The following PDE10A variants were observed in gnomAD, a reference collection of about 807,000 sequenced individuals.
The protein encoded by PDE10A is cAMP and cAMP-inhibited cGMP 3',5'-cyclic phosphodiesterase 10A.
In PDE10A, 39 loss-of-function variants were observed where a neutral mutation model predicts 97.7. The ratio of observed to expected loss-of-function variants is 0.40; its 90% CI spans 0.31 to 0.52. PDE10A has a LOEUF of 0.52. Ranked by LOEUF, PDE10A falls within the 20% of genes least tolerant of loss-of-function variation. The probability of loss-of-function intolerance (pLI) is 0.56; values close to 1 mark genes in which losing one functional copy is unlikely to be tolerated. For synonymous variants in PDE10A, 371 were observed against 376.8 expected, an observed-to-expected ratio of 0.98 and a Z score of 0.18; for missense variants, 731 against 1,047.8, an observed-to-expected ratio of 0.70 and a Z score of 4.17.
rs150238192 is a variant in PDE10A, at chr6:165,963,991, T to C, written c.-615+23538A>G. Among the ~76,000 whole-genome samples the C allele has an allele frequency of 5.8e-4, 89 of 152,356 alleles. 1 individual carries two copies. The highest frequency in any genetic ancestry group is 2.0e-3 in the African/African-American group (84 of 41,584). On this transcript the variant is annotated intron_variant, in intron 1 of 19. Transcript: ENST00000366882. The stretch of plus-strand genomic sequence containing the variant: ...GCGGCAACATCAAAGCTCTTTGCTT[T>C]CCTGGCAGGTGATACCCATGCAATC...
chr6:165,838,278 A>T (rs1225043645), intron 1 of PDE10A, among the ~76,000 whole-genome samples: 1 of 152,212 alleles, frequency 6.6e-6, no homozygotes, highest in Admixed American at 6.5e-5. Context: ...TTTTGGCCAA[A>T]ACAAAGTGAA....
chr6:165,594,438 G>A (rs1353952085), intron 1 of PDE10A, among the ~76,000 whole-genome samples: 1 of 152,174 alleles, frequency 6.6e-6, no homozygotes, highest in South Asian at 2.1e-4. Flanking sequence ...AATAGAAATG[G>A]TAATATATTA....
At chr6:165,693,283 C>A (rs996767031) in intron 1 of PDE10A, among the ~76,000 whole-genome samples, 1 of 152,082 alleles carries the variant, frequency 6.6e-6, no homozygotes, top group African/African-American at 2.4e-5. Flanking sequence ...GTAATCCCAG[C>A]ACTTTGGGAG....
intron 10 of PDE10A, among the ~76,000 whole-genome samples, chr6:165,420,167 C>T (rs1788594802): frequency 6.6e-6 from 1 of 152,126 alleles, no homozygotes; most frequent in Non-Finnish European, 1.5e-5. Flanking sequence ...TTAGGGCCAG[C>T]GAAATTTTGT....
chr6:165,883,548 A>AT (rs5881668), intron 1 of PDE10A, among the ~76,000 whole-genome samples: 6,268 of 74,254 alleles, frequency 0.084, 215 homozygotes, highest in Middle Eastern at 0.16. Context: ...TCAAAAAAAA[A>AT]AAAAATAAAT....
chr6:165,398,834 C>T (rs974212259), intron 13 of PDE10A, among the ~76,000 whole-genome samples: 15 of 151,990 alleles, frequency 9.9e-5, no homozygotes, highest in African/African-American at 2.2e-4. Flanking sequence ...TAGATTTACA[C>T]CTAAACGTAA....
chr6:165,981,870 C>T (rs928191160), intron 1 of PDE10A, among the ~76,000 whole-genome samples: 12 of 152,100 alleles, frequency 7.9e-5, no homozygotes, highest in African/African-American at 1.4e-4. Flanking sequence ...TAGAGATAGG[C>T]GATCTGAGCA....
intron 10 of PDE10A, among the ~76,000 whole-genome samples, chr6:165,425,332 A>C (rs554237495): frequency 6.6e-6 from 1 of 152,284 alleles, no homozygotes; most frequent in East Asian, 1.9e-4. Context: ...TCCAATATAA[A>C]TTACACACCA....
intron 1 of PDE10A, among the ~76,000 whole-genome samples, chr6:165,944,614 A>T (rs182953482): frequency 1.3e-5 from 2 of 152,260 alleles, no homozygotes; most frequent in African/African-American, 4.8e-5. Context: ...AAGTTTTTGA[A>T]TGTTGTGTCC....
intron 1 of PDE10A, among the ~76,000 whole-genome samples, chr6:165,629,976 T>C (rs1345129855): frequency 1.3e-5 from 2 of 152,188 alleles, no homozygotes; most frequent in African/African-American, 4.8e-5. Flanking sequence ...CATATTAAAT[T>C]ATTTTTACTG....
Position 165,618,144 on chromosome 6 carries a change from T to C in PDE10A, c.865+43803A>G, listed in dbSNP as rs1181028921. Among the ~76,000 whole-genome samples, 5 of 152,236 alleles carry C rather than the reference T, an allele frequency of 3.3e-5. No homozygotes were observed. In the East Asian group the frequency reaches 9.6e-4, roughly 29 times the overall value. On this transcript the variant is annotated intron_variant, in intron 1 of 21. Transcript: ENST00000539869. ...AATCTATATGTATTCAATATATGTA[T>C]ACATTTTATGTGTGTTGTTTAAATG...
chr6:165,397,702 C>CAAAAAAAAAAA (rs71026686), intron 13 of PDE10A, among the ~76,000 whole-genome samples: 2 of 88,370 alleles, frequency 2.3e-5, no homozygotes, highest in African/African-American at 4.6e-5. Flanking sequence ...AACTCCATCT[C>CAAAAAAAAAAA]AAAAAAAAAA....
chr6:165,573,828 C>A (rs1055021286), intron 1 of PDE10A, among the ~76,000 whole-genome samples: 2 of 152,138 alleles, frequency 1.3e-5, no homozygotes, highest in Admixed American at 1.3e-4. Context: ...TGCTCTGGCA[C>A]AAAATTTGGG....
At chr6:165,686,130 G>GACAC (rs57547290) in intron 1 of PDE10A, among the ~76,000 whole-genome samples, 3,811 of 145,336 alleles carry the variant, frequency 0.026, 140 homozygotes, top group African/African-American at 0.076. Context: ...AATGTGCATG[G>GACAC]ACACACACAC....
intron 1 of PDE10A, among the ~76,000 whole-genome samples, chr6:165,955,102 G>C (rs561632720): frequency 6.6e-6 from 1 of 152,116 alleles, no homozygotes; most frequent in African/African-American, 2.4e-5. Flanking sequence ...TGCCATCACG[G>C]CCTCTATGCC....
At chr6:165,668,607 A>C (rs1196626686) in intron 1 of PDE10A, among the ~76,000 whole-genome samples, 2 of 152,164 alleles carry the variant, frequency 1.3e-5, no homozygotes, top group Admixed American at 1.3e-4. Context: ...AGTAAGGATT[A>C]AAATGGCTCA....
Position 165,332,935 on chromosome 6 carries a change from T to TGCC in PDE10A, c.*89_*90insGGC. The TGCC allele has an allele frequency of 5.1e-6, 3 of 593,426 alleles. No homozygotes were observed. Among genetic ancestry groups the TGCC allele is most frequent in the South Asian group, 1.5e-5 (1 of 65,528 alleles). 36.8% of individuals were successfully genotyped at this position (593,426 alleles called of 1,614,324 possible). ...TGCACCCCAGTTACCAGGTGCAGGT[T>TGCC]CCCCCCACCCCCCCCAAAAAAAGGA... On this transcript the variant is annotated 3_prime_UTR_variant, in exon 22 of 22. Coordinates refer to ENST00000539869, the MANE Select transcript of PDE10A (RefSeq NM_001385079.1).
chr6:165,724,869 C>G (rs922982410), intron 1 of PDE10A, among the ~76,000 whole-genome samples: 1 of 152,178 alleles, frequency 6.6e-6, no homozygotes, highest in African/African-American at 2.4e-5. Flanking sequence ...ACAGCAGAGG[C>G]AGGTTCCCTG....
chr6:165,546,498 T>C (rs1412634026), intron 1 of PDE10A, among the ~76,000 whole-genome samples: 1 of 152,112 alleles, frequency 6.6e-6, no homozygotes, highest in Non-Finnish European at 1.5e-5. Flanking sequence ...GTATTACACA[T>C]GTAATATAAA....
Sources: gnomAD v4.1 joint callset for allele counts (sites outside exome capture counted in the v4.1 genomes callset) on GRCh38, gnomAD v4.1.1 for gene constraint, MANE v1.5 for transcripts, NCBI Gene and HGNC (gene_info 2026-07-23, HGNC 2026-07-21) for gene names.